Variants in ABCA13 observed in about 807,000 individuals in gnomAD.
ABCA13 encodes ATP binding cassette subfamily A member 13.
A neutral mutation model predicts 478.7 loss-of-function variants in ABCA13; 476 were observed. The ratio of observed to expected loss-of-function variants is 0.99; its 90% CI spans 0.92 to 1.07. The LOEUF is 1.07. ABCA13 is among the 50% of genes least tolerant of loss of function. The pLI, the probability that ABCA13 is intolerant of heterozygous loss-of-function variation, is 0.00. For missense variants in ABCA13, 6,060 were observed against 5,910.6 expected (o/e 1.03, Z -0.83); for synonymous variants, 2,252 against 2,158.9 (o/e 1.04, Z -1.20).
Position 48,274,947 on chromosome 7 carries a change from C to A in ABCA13, c.5281C>A (p.Pro1761Thr). ...PHAVRLLQGV[P>T]GKNITEGLKD... ...TGCTGTAAGGCTCCTGCAGGGAGTA[C>A]CTGGTAAAAACATCACTGAAGGCCT... The change falls in exon 17 of 62, where the codon CCT becomes ACT. Residue 1761 changes from proline to threonine, a missense_variant. By Grantham distance (38) the Pro-to-Thr change is conservative. Around this residue, in one of 3 missense-constraint regions of ABCA13, gnomAD observed 4,423 missense variants for 4,309.1 expected, o/e 1.03. Coordinates refer to ENST00000435803, the MANE Select transcript of ABCA13 (RefSeq NM_152701.5). 6.2e-7 allele frequency: 1 copy of A among 1,613,720 alleles called. No homozygotes were observed. Among genetic ancestry groups the A allele is most frequent in the Middle Eastern group, 1.6e-4 (1 of 6,062 alleles).
intron 43 of ABCA13, among the ~76,000 whole-genome samples, chr7:48,457,396 C>T (rs1468543190): frequency 6.6e-6 from 1 of 152,166 alleles, no homozygotes; most frequent in African/African-American, 2.4e-5. Context: ...AATTTCCCTT[C>T]ATGGTGTTTA....
intron 1 of ABCA13, among the ~76,000 whole-genome samples, chr7:48,186,385 T>C (rs1796354000): frequency 6.6e-6 from 1 of 152,092 alleles, no homozygotes; most frequent in Admixed American, 6.5e-5. Flanking sequence ...TGGGTTCTTA[T>C]TTTTGATGAG....
rs568254473 is a variant in ABCA13, at chr7:48,612,181, G to C, written c.14745-3104G>C. ...GTATCTACATCCTAGCTCAAGGGAA[G>C]TGGAGAAAAACAAAATCCAGGTCAA... On this transcript the variant is annotated intron_variant, in intron 58 of 61. Coordinates refer to ENST00000435803, the MANE Select transcript of ABCA13 (RefSeq NM_152701.5). 3 of 152,310 alleles carry C rather than the reference G, an allele frequency of 2.0e-5. No individual in the cohort carries two copies. In the South Asian group the frequency reaches 6.2e-4, roughly 32 times the overall value. The allele number at this position is 152,310 out of a possible 1,614,324, so 9.4% of individuals were successfully genotyped here.
chr7:48,421,947 G>C (rs1162733573), intron 41 of ABCA13, among the ~76,000 whole-genome samples: 1 of 148,138 alleles, frequency 6.8e-6, no homozygotes, highest in East Asian at 2.0e-4. Flanking sequence ...ATCTTCCAAG[G>C]CCTCCACACT....
At chr7:48,454,128 A>G (rs1227680351) in intron 42 of ABCA13, among the ~76,000 whole-genome samples, 4 of 152,172 alleles carry the variant, frequency 2.6e-5, no homozygotes, top group Non-Finnish European at 4.4e-5. Flanking sequence ...GAAATACTTC[A>G]TATTGGATTT....
At chr7:48,315,531 G>A (rs1372420953) in intron 26 of ABCA13, among the ~76,000 whole-genome samples, 1 of 151,320 alleles carries the variant, frequency 6.6e-6, no homozygotes, top group African/African-American at 2.4e-5. Flanking sequence ...CCAGGCTGGA[G>A]TGCAGTGGCT....
intron 40 of ABCA13, among the ~76,000 whole-genome samples, chr7:48,411,291 C>CTTTTCTTTTCTTTTCTTTTCTTTTCTT (rs1554500145): frequency 2.8e-4 from 26 of 92,894 alleles, no homozygotes; most frequent in Admixed American, 2.8e-3. Context: ...TCCTTCCTTC[C>CTTTTCTTTTCTTTTCTTTTCTTTTCTT]TTCTTTTCTT....
intron 55 of ABCA13, among the ~76,000 whole-genome samples, chr7:48,562,400 G>A (rs1027371427): frequency 6.6e-6 from 1 of 152,002 alleles, no homozygotes; most frequent in African/African-American, 2.4e-5. Flanking sequence ...TAATAAATCC[G>A]ATAAGATAAA....
intron 58 of ABCA13, among the ~76,000 whole-genome samples, chr7:48,597,200 T>A (rs1475400004): frequency 6.6e-6 from 1 of 152,206 alleles, no homozygotes; most frequent in Non-Finnish European, 1.5e-5. Flanking sequence ...TCCGCCCGCC[T>A]GGGCCTCCCA....
At chr7:48,391,836 T>C (rs1361467497) in intron 37 of ABCA13, 85 bp from the exon 38 acceptor site, 3 of 1,287,062 alleles carry the variant, frequency 2.3e-6, no homozygotes, top group South Asian at 1.3e-5. Context: ...GCAGGATGCA[T>C]GCGCCATCCT....
intron 42 of ABCA13, among the ~76,000 whole-genome samples, chr7:48,428,167 C>T (rs1392188820): frequency 6.6e-6 from 1 of 152,098 alleles, no homozygotes; most frequent in Non-Finnish European, 1.5e-5. Flanking sequence ...CATCATTCAT[C>T]TTATTTTACC....
intron 48 of ABCA13, among the ~76,000 whole-genome samples, chr7:48,490,900 G>A (rs12538384): frequency 0.01 from 1,567 of 152,232 alleles, 16 homozygotes; most frequent in Middle Eastern, 0.017. Flanking sequence ...GAGAAGACTG[G>A]TTGTAATTTA....
At chr7:48,535,414 A>C (rs1268852340) in intron 55 of ABCA13, among the ~76,000 whole-genome samples, 4 of 152,194 alleles carry the variant, frequency 2.6e-5, no homozygotes, top group Admixed American at 2.6e-4. Flanking sequence ...TGGAGGTAGC[A>C]GGGGAATGAA....
At chr7:48,268,476 G>A (rs917232731) in intron 15 of ABCA13, among the ~76,000 whole-genome samples, 1 of 152,134 alleles carries the variant, frequency 6.6e-6, no homozygotes, top group African/African-American at 2.4e-5. Flanking sequence ...ACTCTTTTGG[G>A]TGTTTTCTTC....
At chr7:48,457,435 C>T (rs1013316666) in intron 43 of ABCA13, among the ~76,000 whole-genome samples, 1 of 152,108 alleles carries the variant, frequency 6.6e-6, no homozygotes, top group African/African-American at 2.4e-5. Context: ...CAGTTGACTC[C>T]AGATAGCCAT....
chr7:48,598,606 T>A (rs1451152454), intron 58 of ABCA13, among the ~76,000 whole-genome samples: 1 of 152,188 alleles, frequency 6.6e-6, no homozygotes, highest in African/African-American at 2.4e-5. Context: ...GGATAAATGA[T>A]TTGCAAATAT....
At chr7:48,474,211 C>A (rs898465202) in intron 45 of ABCA13, among the ~76,000 whole-genome samples, 1 of 152,072 alleles carries the variant, frequency 6.6e-6, no homozygotes, top group African/African-American at 2.4e-5. Context: ...TGTGAATTTG[C>A]ATGGGAGGAT....
At chr7:48,533,206 A>G (rs1833356190) in intron 55 of ABCA13, among the ~76,000 whole-genome samples, 1 of 152,048 alleles carries the variant, frequency 6.6e-6, no homozygotes. Context: ...CACTATTATC[A>G]TTCAGTTCAA....
intron 41 of ABCA13, among the ~76,000 whole-genome samples, chr7:48,424,158 C>T (rs950337159): frequency 2.0e-5 from 3 of 152,180 alleles, no homozygotes; most frequent in African/African-American, 7.2e-5. Flanking sequence ...GCATTCACTT[C>T]CTGTGCAGTT....
Sources: gnomAD v4.1 joint callset for allele counts (sites outside exome capture counted in the v4.1 genomes callset) on GRCh38, gnomAD v4.1.1 for gene constraint, gnomAD v4.1.1 regional missense constraint, MANE v1.5 for transcripts, NCBI Gene and HGNC (gene_info 2026-07-23, HGNC 2026-07-21) for gene names.